Variants in RIN3 observed in about 807,000 individuals in gnomAD.
RIN3 encodes Ras and Rab interactor 3.
In RIN3, 54 loss-of-function variants were observed where a neutral mutation model predicts 76.3. The observed-to-expected ratio is 0.71, with a 90% CI of 0.57 to 0.89. RIN3 has a LOEUF of 0.89. Among genes scored for constraint, RIN3 ranks in the 40% least tolerant of loss-of-function variants. RIN3 has a pLI of 0.00. For missense variants in RIN3, 1,256 were observed against 1,322.1 expected (o/e 0.95, Z 0.78); for synonymous variants, 576 against 564.0 (o/e 1.02, Z -0.30).
chr14:92,563,341 A>G (rs1262408376), intron 2 of RIN3, among the ~76,000 whole-genome samples: 3 of 152,180 alleles, frequency 2.0e-5, no homozygotes, highest in Non-Finnish European at 2.9e-5. Flanking sequence ...AGCCTGGGCA[A>G]CAAGAGCAAA....
At chr14:92,593,945 AG>A (rs533903733) in intron 3 of RIN3, among the ~76,000 whole-genome samples, 94 of 152,310 alleles carry the variant, frequency 6.2e-4, no homozygotes, top group South Asian at 2.5e-3. Flanking sequence ...AGACATAGGC[AG>A]ATATAGCGGG....
chr14:92,648,962 C>CAT lies in RIN3; in HGVS notation c.533-2619_533-2618insTA, dbSNP rs1208126520. Among the ~76,000 whole-genome samples, 3 of 152,172 alleles carry CAT rather than the reference C, an allele frequency of 2.0e-5. No individual in the cohort carries two copies. The East Asian group carries it at 5.8e-4, about 29-fold the overall frequency. ...CATTAGCCAAGACCTGCTGGTGGGGCAGCGCATGGCACGTGGAGGAAGGAG... is the reference window on the plus strand; with the variant it reads ...CATTAGCCAAGACCTGCTGGTGGGGCATAGCGCATGGCACGTGGAGGAAGGAG... On this transcript the variant is annotated intron_variant, in intron 5 of 9. Transcript: ENST00000216487. The surrounding 1 kb of genome is among the most constrained non-coding windows in gnomAD (Gnocchi z 4.1).
At chr14:92,675,481 C>T (rs1013449566) in intron 7 of RIN3, among the ~76,000 whole-genome samples, 2 of 152,198 alleles carry the variant, frequency 1.3e-5, no homozygotes, top group South Asian at 2.1e-4. Context: ...GGTTATTCTG[C>T]GGTCCACATC....
rs193224222 is a variant in RIN3, at chr14:92,660,435, G to T, written c.2335+966G>T. Among the ~76,000 whole-genome samples the T allele has an allele frequency of 3.0e-3, 460 of 152,314 alleles. 4 individuals carry two copies. Among genetic ancestry groups the T allele is most frequent in the Middle Eastern group, 0.02 (6 of 294 alleles). ...TGCCCACTTGCTGAGTGGTTGGTTG[G>T]CTGTTGGCTGGTCTAGGATGGCCTT... On this transcript the variant is annotated intron_variant, in intron 7 of 9. Transcript: ENST00000216487.
At chr14:92,605,629 TAG>T (rs1218224471) in intron 3 of RIN3, among the ~76,000 whole-genome samples, 1 of 152,228 alleles carries the variant, frequency 6.6e-6, no homozygotes, top group African/African-American at 2.4e-5. Flanking sequence ...ATTCTTTCCC[TAG>T]AGTCAGTGTG....
intron 4 of RIN3, among the ~76,000 whole-genome samples, chr14:92,631,995 G>A (rs938201214): frequency 2.8e-4 from 42 of 152,276 alleles, no homozygotes; most frequent in African/African-American, 9.6e-4. Flanking sequence ...CATATACAAG[G>A]GGTGATTCAG....
intron 4 of RIN3, among the ~76,000 whole-genome samples, chr14:92,632,374 C>T (rs1886618545): frequency 6.6e-6 from 1 of 152,132 alleles, no homozygotes; most frequent in South Asian, 2.1e-4. Context: ...CTCCCTCTAA[C>T]CGCTACAGCA....
Position 92,514,211 on chromosome 14 carries a change from C to G in RIN3, c.44+235C>G, listed in dbSNP as rs1896373706. On this transcript the variant is annotated intron_variant, in intron 1 of 9. Transcript: ENST00000216487. The surrounding 1 kb of genome is among the most constrained non-coding windows in gnomAD (Gnocchi z 7.2). ...TAAACTTTCAAGGCCAGGCATTTCA[C>G]TGGGAACCCAGTGCACACTTTAGGC... Among the ~76,000 whole-genome samples the G allele has an allele frequency of 6.6e-6, 1 of 152,210 alleles. No individual in the cohort carries two copies.
chr14:92,612,108 G>A (rs373114209), intron 3 of RIN3, among the ~76,000 whole-genome samples: 1 of 152,120 alleles, frequency 6.6e-6, no homozygotes, highest in Non-Finnish European at 1.5e-5. Context: ...CTCCCACCAG[G>A]CCCCACCTCC....
intron 2 of RIN3, among the ~76,000 whole-genome samples, chr14:92,574,958 G>A (rs571662509): frequency 1.2e-4 from 19 of 152,214 alleles, no homozygotes; most frequent in Admixed American, 1.2e-3. Context: ...CTGTGATCCT[G>A]AGCATTACTT....
intron 8 of RIN3, among the ~76,000 whole-genome samples, chr14:92,677,547 G>A (rs773184533): frequency 4.6e-5 from 7 of 152,044 alleles, no homozygotes; most frequent in Admixed American, 6.6e-5. Context: ...TCAGGGGAGC[G>A]TGTTAAAGCC....
At chr14:92,611,499 C>T (rs750078030) in intron 3 of RIN3, among the ~76,000 whole-genome samples, 1 of 152,078 alleles carries the variant, frequency 6.6e-6, no homozygotes, top group African/African-American at 2.4e-5. Flanking sequence ...GTGATCCACC[C>T]GCCTCGGCCT....
At chr14:92,586,038 C>T (rs562324918) in intron 3 of RIN3, among the ~76,000 whole-genome samples, 7 of 152,324 alleles carry the variant, frequency 4.6e-5, no homozygotes, top group African/African-American at 1.7e-4. Flanking sequence ...TGACATCAGA[C>T]ATGTTACTTA....
At chr14:92,668,253 G>A (rs1888177594) in intron 7 of RIN3, among the ~76,000 whole-genome samples, 1 of 152,204 alleles carries the variant, frequency 6.6e-6, no homozygotes, top group Admixed American at 6.5e-5. Context: ...CTGAAACCCA[G>A]GGCCCTCTGG....
intron 1 of RIN3, among the ~76,000 whole-genome samples, chr14:92,525,107 G>T (rs529729925): frequency 2.0e-5 from 3 of 152,326 alleles, no homozygotes; most frequent in South Asian, 4.1e-4. Context: ...TCATTCTCTT[G>T]CCAAGCCTTG....
chr14:92,530,961 C>T (rs556380191), intron 1 of RIN3, among the ~76,000 whole-genome samples: 1 of 152,198 alleles, frequency 6.6e-6, no homozygotes, highest in East Asian at 1.9e-4. Flanking sequence ...TGGCAAAGTC[C>T]CACCCTACAG....
At chr14:92,600,727 G>A (rs1325959769) in intron 3 of RIN3, among the ~76,000 whole-genome samples, 1 of 152,212 alleles carries the variant, frequency 6.6e-6, no homozygotes, top group Non-Finnish European at 1.5e-5. Flanking sequence ...AGCACAAACT[G>A]GTTCTCTCTC....
intron 1 of RIN3, among the ~76,000 whole-genome samples, chr14:92,549,763 C>T (rs1185044702): frequency 2.0e-5 from 3 of 152,196 alleles, no homozygotes; most frequent in Admixed American, 6.5e-5. Context: ...GGTGGGTGTC[C>T]GGCGGCAGCC....
At position 92,652,141 on chromosome 14, in the gene RIN3, C is replaced by A. The variant is rs760819627; in HGVS notation, c.1092C>A (p.Ala364=). The A allele has an allele frequency of 2.7e-5, 43 of 1,606,560 alleles. No individual in the cohort carries two copies. In the Middle Eastern group the frequency reaches 5.0e-4, roughly 18 times the overall value. The change falls in exon 6 of 10, where the codon GCC becomes GCA. Residue 364 remains alanine (A), a synonymous_variant. Coordinates refer to ENST00000216487, the MANE Select transcript of RIN3 (RefSeq NM_024832.5). This position sits in a 1 kb window ranked among gnomAD's most constrained non-coding sequence, Gnocchi z 6.4. ...AGGAAGCGATGAAGCCAGGGGCAGCCTCCAGTCCCTTGCAGCAGGTCCCCG... is the reference window on the plus strand; with the variant it reads ...AGGAAGCGATGAAGCCAGGGGCAGCATCCAGTCCCTTGCAGCAGGTCCCCG... ...LREEAMKPGA[A]SSPLQQVPAP... is the part of the protein sequence containing the mutation.
Sources: allele counts gnomAD v4.1 joint callset (sites outside exome capture counted in the v4.1 genomes callset), GRCh38; gene constraint gnomAD v4.1.1; non-coding constraint Gnocchi (gnomAD v3.1); transcripts MANE v1.5; gene names NCBI Gene and HGNC (gene_info 2026-07-23, HGNC 2026-07-21).